The following MCTP1 variants were observed in gnomAD, a reference collection of about 807,000 sequenced individuals.
The protein encoded by MCTP1 is multiple C2 and transmembrane domain-containing protein 1.
In MCTP1, 69 loss-of-function variants were observed where a neutral mutation model predicts 120.6. The observed-to-expected ratio is 0.57, with a 90% CI of 0.47 to 0.70. MCTP1 has a LOEUF of 0.70. Ranked by LOEUF, MCTP1 falls within the 30% of genes least tolerant of loss-of-function variation. The probability of loss-of-function intolerance (pLI) is 0.00; values close to 1 mark genes in which losing one functional copy is unlikely to be tolerated. For synonymous variants in MCTP1, 529 were observed against 493.1 expected (o/e 1.07, Z -0.96); for missense variants, 1,203 against 1,248.8 (o/e 0.96, Z 0.55).
Position 94,921,971 on chromosome 5 carries a change from C to G in MCTP1, c.1272+1991G>C, listed in dbSNP as rs919570252. ...TCAAAACATTTATTTGTATGGCATT[C>G]AGAGAGAGAGAAATATTGCCTCTGA... On this transcript the variant is annotated intron_variant, in intron 7 of 22. Transcript: ENST00000515393. 7.9e-5 allele frequency among the ~76,000 whole-genome samples: 12 copies of G among 152,228 alleles called. No individual in the cohort carries two copies. In the East Asian group the frequency reaches 1.9e-3, roughly 24 times the overall value.
intron 19 of MCTP1, chr5:94,739,548 A>G (rs1364472751): frequency 6.6e-6 from 1 of 152,250 alleles, no homozygotes; most frequent in Non-Finnish European, 1.5e-5. Context: ...TAATCCAAGG[A>G]GTGCCCAAAC....
intron 19 of MCTP1, among the ~76,000 whole-genome samples, chr5:94,764,828 CAAAAAAA>C (rs57246943): frequency 2.6e-3 from 236 of 90,978 alleles, no homozygotes; most frequent in African/African-American, 8.0e-3. Context: ...TGACCTGGAC[CAAAAAAA>C]AAAAAAAAAA....
chr5:94,835,732 C>T (rs939239257), intron 17 of MCTP1, among the ~76,000 whole-genome samples: 9 of 152,298 alleles, frequency 5.9e-5, no homozygotes, highest in Admixed American at 5.2e-4. Flanking sequence ...AGGCCAGGAG[C>T]GGTGGCTCAC....
At chr5:94,909,726 G>A (rs1469704164) in intron 9 of MCTP1, among the ~76,000 whole-genome samples, 1 of 152,054 alleles carries the variant, frequency 6.6e-6, no homozygotes, top group Non-Finnish European at 1.5e-5. Context: ...CATAGTTAAT[G>A]CATTAAGATA....
At chr5:94,787,999 C>T (rs897670141) in intron 18 of MCTP1, among the ~76,000 whole-genome samples, 2 of 152,094 alleles carry the variant, frequency 1.3e-5, no homozygotes, top group Non-Finnish European at 2.9e-5. Flanking sequence ...CCAGATCTTC[C>T]GAATTTCAAA....
chr5:95,075,305 A>G (rs561729615), intron 1 of MCTP1, among the ~76,000 whole-genome samples: 7 of 152,328 alleles, frequency 4.6e-5, no homozygotes, highest in Middle Eastern at 3.4e-3. Context: ...TCACTTTCTC[A>G]CAGAGGACTT....
intron 1 of MCTP1, among the ~76,000 whole-genome samples, chr5:95,248,941 G>A (rs1271234588): frequency 6.6e-6 from 1 of 152,084 alleles, no homozygotes; most frequent in Non-Finnish European, 1.5e-5. Flanking sequence ...AATGGTGCTG[G>A]GAAAACTGGC....
At chr5:95,252,690 G>C (rs762073109) in intron 1 of MCTP1, among the ~76,000 whole-genome samples, 2 of 151,864 alleles carry the variant, frequency 1.3e-5, no homozygotes, top group Admixed American at 6.6e-5. Flanking sequence ...TTTCTTAGGC[G>C]CTCCATTCCT....
At chr5:94,913,774 A>ATG (rs1427139434) in intron 8 of MCTP1, among the ~76,000 whole-genome samples, 2 of 151,882 alleles carry the variant, frequency 1.3e-5, no homozygotes, top group Non-Finnish European at 2.9e-5. Context: ...GTATGGTCAT[A>ATG]GCTCACTGTA....
intron 2 of MCTP1, among the ~76,000 whole-genome samples, chr5:94,980,400 C>T (rs1829135163): frequency 6.6e-6 from 1 of 152,104 alleles, no homozygotes; most frequent in Non-Finnish European, 1.5e-5. Context: ...AACCCAGTAA[C>T]ATATGACACA....
At chr5:95,109,436 C>T (rs1246603959) in intron 1 of MCTP1, among the ~76,000 whole-genome samples, 7 of 152,174 alleles carry the variant, frequency 4.6e-5, no homozygotes, top group Middle Eastern at 3.4e-3. Context: ...ACCAAGGAAA[C>T]GCTTGATATG....
Position 95,284,116 on chromosome 5 carries a change from C to A in MCTP1, c.460G>T (p.Asp154Tyr), listed in dbSNP as rs758702571. The stretch of plus-strand genomic sequence containing the variant: ...GCGGAGGAAGAGGAAGGAGCTGAGT[C>A]GGGGGAGCGTCCGCCAGGAGGCGTC... ...GGTPPGGRSP[D>Y]SAPSSSSASS... The change falls in exon 1 of 23, where the codon GAC (aspartate) becomes TAC (tyrosine). Residue 154 changes from aspartate to tyrosine, a missense_variant. By Grantham distance (160) the Asp-to-Tyr change is radical (BLOSUM62 -3). Coordinates refer to ENST00000515393, the MANE Select transcript of MCTP1 (RefSeq NM_024717.7). The surrounding 1 kb of genome is among the most constrained non-coding windows in gnomAD (Gnocchi z 5.2). 6.4e-7 allele frequency: 1 copy of A among 1,550,574 alleles called. No homozygotes were observed. The highest frequency in any genetic ancestry group is 2.0e-5 in the Admixed American group (1 of 51,050).
intron 19 of MCTP1, among the ~76,000 whole-genome samples, chr5:94,715,987 A>G (rs1244433799): frequency 6.6e-6 from 1 of 152,222 alleles, no homozygotes; most frequent in Non-Finnish European, 1.5e-5. Flanking sequence ...ACTGACTTTC[A>G]TTTCAGAAGA....
intron 1 of MCTP1, among the ~76,000 whole-genome samples, chr5:95,258,502 T>C (rs1758121899): frequency 6.6e-6 from 1 of 152,168 alleles, no homozygotes; most frequent in African/African-American, 2.4e-5. Context: ...ATATAGTATC[T>C]TAGATAGGAT....
At chr5:94,736,475 CCTGTCTCAAAAAAAAAT>C (rs967766239) in intron 19 of MCTP1, among the ~76,000 whole-genome samples, 2 of 152,010 alleles carry the variant, frequency 1.3e-5, no homozygotes, top group Non-Finnish European at 2.9e-5. Context: ...AGAGCAAGAC[CCTGTCTCAAAAAAAAAT>C]TTTTTTGGGG....
intron 19 of MCTP1, among the ~76,000 whole-genome samples, chr5:94,719,892 G>C (rs1196926689): frequency 6.6e-6 from 1 of 152,174 alleles, no homozygotes; most frequent in Non-Finnish European, 1.5e-5. Context: ...CACTTTGGGA[G>C]GCCGAGACAG....
In MCTP1 at chr5:95,008,665, G is replaced by A. The variant is rs73138037; in HGVS notation, c.838+8702C>T. Among the ~76,000 whole-genome samples, 505 of 152,236 alleles carry A rather than the reference G, an allele frequency of 3.3e-3. 1 individual carries two copies. Among genetic ancestry groups the A allele is most frequent in the African/African-American group, 0.011 (459 of 41,554 alleles). ...ACTTGGAAATGGGATCTTTGAAGAT[G>A]TAATTAAGTTAAAGATCTTGATGAG... is the stretch of plus-strand genomic sequence containing the variant. On this transcript the variant is annotated intron_variant, in intron 2 of 22. Transcript: ENST00000515393.
chr5:94,932,213 TAAAA>T (rs368203326), intron 5 of MCTP1, among the ~76,000 whole-genome samples: 4 of 95,834 alleles, frequency 4.2e-5, no homozygotes, highest in Admixed American at 1.2e-4. Context: ...TATTCCTTTG[TAAAA>T]AAAAAAAAAA....
intron 8 of MCTP1, among the ~76,000 whole-genome samples, 176 bp from the exon 9 acceptor site, chr5:94,913,152 AATT>A (rs1809205991): frequency 6.6e-6 from 1 of 152,004 alleles, no homozygotes; most frequent in East Asian, 1.9e-4. Context: ...TAAATTATGA[AATT>A]ATCATTTCAT....
Sources: gnomAD v4.1 joint callset for allele counts (sites outside exome capture counted in the v4.1 genomes callset) on GRCh38, gnomAD v4.1.1 for gene constraint, Gnocchi (gnomAD v3.1) non-coding constraint, MANE v1.5 for transcripts, NCBI Gene and HGNC (gene_info 2026-07-23, HGNC 2026-07-21) for gene names.